Variants in TMEM237 observed in about 807,000 individuals in gnomAD.
TMEM237 encodes amyotrophic lateral sclerosis 2 (juvenile) chromosome region, candidate 4.
A neutral mutation model predicts 59.1 loss-of-function variants in TMEM237; 51 were observed. The ratio of observed to expected loss-of-function variants is 0.86; its 90% CI spans 0.69 to 1.09. TMEM237 has a LOEUF of 1.09. Ranked by LOEUF, TMEM237 falls within the 50% of genes least tolerant of loss-of-function variation. The pLI is 0.00. For synonymous variants in TMEM237, 140 were observed against 166.1 expected (o/e 0.84, Z 1.21); for missense variants, 475 against 478.3 (o/e 0.99, Z 0.06).
rs751155005 is a variant in TMEM237, at chr2:201,626,534, GAAAAAAA to G, written c.1038-394_1038-388del. Among the ~76,000 whole-genome samples, 213 of 96,046 alleles carry G rather than the reference GAAAAAAA, an allele frequency of 2.2e-3. 3 individuals carry two copies. Among genetic ancestry groups the G allele is most frequent in the African/African-American group, 7.2e-3 (185 of 25,852 alleles). 63.0% of individuals were successfully genotyped at this position (96,046 alleles called of 152,430 possible). A position where few individuals can be genotyped will look rare whatever the true frequency, so the allele number is the denominator to read the frequency against. On this transcript the variant is annotated intron_variant, in intron 11 of 12. Coordinates refer to ENST00000409883, the MANE Select transcript of TMEM237 (RefSeq NM_001044385.3). ...TTGGATGCTACGTGCAGCATTTGGG[GAAAAAAA>G]AAAAAAAAAAAAAAAAAGACTGCTT...
chr2:201,642,970 T>A, intron 1 of TMEM237: 1 of 1,303,416 alleles, frequency 7.7e-7, no homozygotes, highest in Non-Finnish European at 9.7e-7. Context: ...AGACCTTAAT[T>A]AAAGGACTCC....
chr2:201,630,397 C>T (rs1447892346), intron 7 of TMEM237, among the ~76,000 whole-genome samples: 1 of 152,110 alleles, frequency 6.6e-6, no homozygotes, highest in African/African-American at 2.4e-5. Context: ...CAAAAGTCAG[C>T]ACTGCAATAT....
At chr2:201,627,028 C>T (rs1275602910) in intron 11 of TMEM237, among the ~76,000 whole-genome samples, 1 of 151,276 alleles carries the variant, frequency 6.6e-6, no homozygotes, top group Non-Finnish European at 1.5e-5. Context: ...TGCAGTGAGC[C>T]GAGATAGTGC....
In TMEM237 at chr2:201,628,057, T is replaced by C; in HGVS notation, c.943+19A>G. 1.3e-6 allele frequency: 2 copies of C among 1,591,202 alleles called. No individual in the cohort carries two copies. The highest frequency in any genetic ancestry group is 1.1e-5 in the South Asian group (1 of 87,908). ...TAACTGAAGTATTACACAGTTATCA[T>C]GTTAAACTGCTTACTCACAGAAAGA... On this transcript the variant is annotated intron_variant, in intron 10 of 12. Coordinates refer to ENST00000409883, the MANE Select transcript of TMEM237 (RefSeq NM_001044385.3).
intron 6 of TMEM237, among the ~76,000 whole-genome samples, chr2:201,632,818 T>C (rs1475440625): frequency 6.6e-6 from 1 of 152,234 alleles, no homozygotes; most frequent in Non-Finnish European, 1.5e-5. Flanking sequence ...TTGATCACTA[T>C]TTGTAGGTTC....
At chr2:201,642,767 G>A in intron 1 of TMEM237, 3 of 1,441,070 alleles carry the variant, frequency 2.1e-6, no homozygotes, top group Non-Finnish European at 2.7e-6. Context: ...GCCCTGCGGG[G>A]ATGTTGCGGT....
Position 201,623,931 on chromosome 2 carries a change from G to A in TMEM237, c.*324C>T, listed in dbSNP as rs1462631767. 1 of 184,510 alleles carries A rather than the reference G, an allele frequency of 5.4e-6. No homozygotes were observed. The highest frequency in any genetic ancestry group is 1.4e-4 in the East Asian group (1 of 7,308). The allele number at this position is 184,510 out of a possible 1,614,324, so 11.4% of individuals were successfully genotyped here. A position where few individuals can be genotyped will look rare whatever the true frequency, so the allele number is the denominator to read the frequency against. The stretch of plus-strand genomic sequence containing the variant: ...ATATATATTTTATAACACTATTTAA[G>A]TTATGGCTTTTTCTAAACCAGTGCT... On this transcript the variant is annotated 3_prime_UTR_variant, in exon 13 of 13. Coordinates refer to ENST00000409883, the MANE Select transcript of TMEM237 (RefSeq NM_001044385.3).
At chr2:201,632,299 G>A in intron 6 of TMEM237, 91 bp from the exon 7 acceptor site, 2 of 1,386,468 alleles carry the variant, frequency 1.4e-6, no homozygotes, top group Non-Finnish European at 9.9e-7. Context: ...AATGGAAAGG[G>A]CCCTGGACTT....
chr2:201,640,972 C>A, intron 1 of TMEM237, 48 bp from the exon 2 acceptor site: 1 of 1,535,080 alleles, frequency 6.5e-7, no homozygotes. Flanking sequence ...CCTAGAGCAT[C>A]TTTACTTCAA....
intron 11 of TMEM237, 103 bp downstream of exon 11, chr2:201,627,217 AC>A: frequency 1.3e-6 from 1 of 777,940 alleles, no homozygotes; most frequent in Non-Finnish European, 2.1e-6. Context: ...ATATTTGGAA[AC>A]AAAAACAGAG....
In TMEM237 at chr2:201,643,107, A is replaced by G. The variant is rs1574589662; in HGVS notation, c.42+252T>C. The stretch of plus-strand genomic sequence containing the variant: ...AGATGAGTGAGGCGTCGTCGTGGCA[A>G]CGCGGGCTCAGGTCCCCGCAAACTT... On this transcript the variant is annotated intron_variant, in intron 1 of 12. Transcript: ENST00000409883. The surrounding 1 kb of genome is among the most constrained non-coding windows in gnomAD (Gnocchi z 4.3). 6.6e-6 allele frequency among the ~76,000 whole-genome samples: 1 copy of G among 152,140 alleles called. No individual in the cohort carries two copies. The highest frequency in any genetic ancestry group is 1.5e-5 in the Non-Finnish European group (1 of 67,968).
intron 9 of TMEM237, 54 bp from the exon 10 acceptor site, chr2:201,628,203 T>C: frequency 7.7e-7 from 1 of 1,305,196 alleles, no homozygotes; most frequent in East Asian, 2.5e-5. Context: ...TAACAAAACT[T>C]TACTTTCTTG....
intron 4 of TMEM237, among the ~76,000 whole-genome samples, chr2:201,638,170 T>C (rs1429380854): frequency 6.6e-6 from 1 of 152,196 alleles, no homozygotes; most frequent in Non-Finnish European, 1.5e-5. Flanking sequence ...TGTAATACAA[T>C]GAAGTCACTG....
chr2:201,642,804 C>A, intron 1 of TMEM237: 1 of 1,401,148 alleles, frequency 7.1e-7, no homozygotes, highest in Non-Finnish European at 9.2e-7. Flanking sequence ...CCTGGATTGG[C>A]CAGTCCAGAC....
At chr2:201,625,382 A>AAAAAAAAG (rs1559584016) in intron 12 of TMEM237, among the ~76,000 whole-genome samples, 2 of 152,066 alleles carry the variant, frequency 1.3e-5, no homozygotes, top group African/African-American at 4.8e-5. Flanking sequence ...AAATAAAAAA[A>AAAAAAAAG]AAAAGATATT....
In TMEM237 at chr2:201,634,903, C is replaced by T. The variant is rs886799298; in HGVS notation, c.275-1472G>A. The T allele has an allele frequency of 1.6e-5, 7 of 449,020 alleles. No individual in the cohort carries two copies. In the Admixed American group the frequency reaches 1.7e-4, roughly 11 times the overall value. The allele number at this position is 449,020 out of a possible 1,614,324, so 27.8% of individuals were successfully genotyped here. A position where few individuals can be genotyped will look rare whatever the true frequency, so the allele number is the denominator to read the frequency against. On this transcript the variant is annotated intron_variant, in intron 5 of 12. Coordinates refer to ENST00000409883, the MANE Select transcript of TMEM237 (RefSeq NM_001044385.3). ...CAAGACACGCCGTTTTCTAGAAGGA[C>T]AAGTAATTAGGAAAATTATAATAAA...
In TMEM237 at chr2:201,643,172, C is replaced by T. The variant is rs1687466529; in HGVS notation, c.42+187G>A. Reference sequence around the variant, plus strand: ...CTCTCCCACTCCGGGAGTTCGGTCCCGGCCTCGCCTGCGTCTCCGTCCCAT... The same window carrying T: ...CTCTCCCACTCCGGGAGTTCGGTCCTGGCCTCGCCTGCGTCTCCGTCCCAT... On this transcript the variant is annotated intron_variant, in intron 1 of 12. Coordinates refer to ENST00000409883, the MANE Select transcript of TMEM237 (RefSeq NM_001044385.3). This position sits in a 1 kb window ranked among gnomAD's most constrained non-coding sequence, Gnocchi z 4.3. Among the ~76,000 whole-genome samples, 1 of 152,110 alleles carries T rather than the reference C, an allele frequency of 6.6e-6. No homozygotes were observed. The highest frequency in any genetic ancestry group is 1.5e-5 in the Non-Finnish European group (1 of 68,018).
At chr2:201,633,197 G>T in intron 6 of TMEM237, 114 bp downstream of exon 6, 2 of 1,051,812 alleles carry the variant, frequency 1.9e-6, no homozygotes, top group Non-Finnish European at 2.6e-6. Context: ...TTATCCTAGA[G>T]GTACACAAAT....
chr2:201,643,337 C>T lies in TMEM237; in HGVS notation c.42+22G>A. 1 of 1,545,068 alleles carries T rather than the reference C, an allele frequency of 6.5e-7. No homozygotes were observed. The highest frequency in any genetic ancestry group is 1.2e-5 in the South Asian group (1 of 83,736). ...CTGTTTACCCGCCACCTCTCGAGGC[C>T]GACGCGCCCCTCGCCGCTCACCAGG... On this transcript the variant is annotated intron_variant, in intron 1 of 12. Coordinates refer to ENST00000409883, the MANE Select transcript of TMEM237 (RefSeq NM_001044385.3). This position sits in a 1 kb window ranked among gnomAD's most constrained non-coding sequence, Gnocchi z 4.3.
Sources: gnomAD v4.1 joint callset for allele counts (sites outside exome capture counted in the v4.1 genomes callset) on GRCh38, gnomAD v4.1.1 for gene constraint, Gnocchi (gnomAD v3.1) non-coding constraint, MANE v1.5 for transcripts, NCBI Gene and HGNC (gene_info 2026-07-23, HGNC 2026-07-21) for gene names.